WWTR1: variants seen among roughly 807,000 people sequenced by gnomAD.
WWTR1 encodes WW domain-containing transcription regulator protein 1.
A neutral mutation model predicts 40.1 loss-of-function variants in WWTR1; 13 were observed. The ratio of observed to expected loss-of-function variants is 0.32; its 90% CI spans 0.21 to 0.52. WWTR1 has a LOEUF of 0.52. Ranked by LOEUF, WWTR1 falls within the 20% of genes least tolerant of loss-of-function variation. The pLI is 0.97. For synonymous variants in WWTR1, 230 were observed against 210.1 expected, an observed-to-expected ratio of 1.09 and a Z score of -0.82; for missense variants, 436 against 523.1, an observed-to-expected ratio of 0.83 and a Z score of 1.63.
At chr3:149,716,374 T>G (rs1245041502) in intron 5 of WWTR1, among the ~76,000 whole-genome samples, 2 of 151,574 alleles carry the variant, frequency 1.3e-5, no homozygotes, top group Non-Finnish European at 2.9e-5. Context: ...AAAGGGAGAC[T>G]CCATCTCAAA....
intron 2 of WWTR1, among the ~76,000 whole-genome samples, chr3:149,664,058 A>G (rs1343399745): frequency 1.3e-5 from 2 of 152,142 alleles, no homozygotes; most frequent in Non-Finnish European, 2.9e-5. Context: ...TCTCAGCCCT[A>G]CCTCCGGGTT....
chr3:149,595,412 T>TAA (rs138632286), intron 2 of WWTR1, among the ~76,000 whole-genome samples: 8,428 of 152,234 alleles, frequency 0.055, 336 homozygotes, highest in Non-Finnish European at 0.081. Context: ...AAATAGTAAT[T>TAA]TTGTTATGTA....
intron 3 of WWTR1, among the ~76,000 whole-genome samples, chr3:149,559,293 C>CAAAAAAAAAAAAAAAAAAAA (rs57470539): frequency 1.7e-5 from 1 of 58,104 alleles, no homozygotes; most frequent in Non-Finnish European, 3.4e-5. Flanking sequence ...GACTCCATCT[C>CAAAAAAAAAAAAAAAAAAAA]AAAAAAAAAA....
At chr3:149,724,380 T>C (rs2108240620) in intron 3 of WWTR1, among the ~76,000 whole-genome samples, 1 of 152,186 alleles carries the variant, frequency 6.6e-6, no homozygotes, top group South Asian at 2.1e-4. Flanking sequence ...TTCTGCCTTC[T>C]CTCCAGCTCC....
intron 3 of WWTR1, among the ~76,000 whole-genome samples, chr3:149,547,350 C>T (rs1328057184): frequency 6.6e-6 from 1 of 151,558 alleles, no homozygotes. Flanking sequence ...CACAGTAAAA[C>T]CCCGTCTCTA....
intron 3 of WWTR1, among the ~76,000 whole-genome samples, chr3:149,560,653 T>A (rs1214891871): frequency 2.0e-5 from 3 of 152,194 alleles, no homozygotes; most frequent in South Asian, 2.1e-4. Flanking sequence ...AATTTTTTTT[T>A]AACTTTCTTT....
intron 2 of WWTR1, among the ~76,000 whole-genome samples, chr3:149,663,135 C>A (rs528354482): frequency 6.6e-6 from 1 of 152,154 alleles, no homozygotes; most frequent in South Asian, 2.1e-4. Flanking sequence ...CGGGTTCAAG[C>A]GATTCTCCTG....
intron 2 of WWTR1, among the ~76,000 whole-genome samples, chr3:149,648,244 A>G (rs547859888): frequency 5.3e-5 from 8 of 152,188 alleles, no homozygotes; most frequent in South Asian, 2.1e-4. Context: ...ATTTCCAAGC[A>G]TGGAAGACTC....
intron 1 of WWTR1, among the ~76,000 whole-genome samples, chr3:149,672,263 T>C (rs1714113899): frequency 6.6e-6 from 1 of 152,230 alleles, no homozygotes; most frequent in Admixed American, 6.5e-5. Context: ...TCCTAGAGCC[T>C]CATTCTCAAT....
intron 3 of WWTR1, among the ~76,000 whole-genome samples, chr3:149,549,318 TG>T (rs1736510112): frequency 6.6e-6 from 1 of 152,210 alleles, no homozygotes; most frequent in South Asian, 2.1e-4. Flanking sequence ...GATAATGGTG[TG>T]CACCCTTGAT....
chr3:149,519,367 C>A lies in WWTR1; in HGVS notation c.*1438G>T, dbSNP rs1476378423. 1 of 152,186 alleles carries A rather than the reference C, an allele frequency of 6.6e-6. No individual in the cohort carries two copies. The highest frequency in any genetic ancestry group is 1.9e-4 in the East Asian group (1 of 5,200). The allele number at this position is 152,186 out of a possible 1,614,324, so 9.4% of individuals were successfully genotyped here. On this transcript the variant is annotated 3_prime_UTR_variant, in exon 7 of 7. Transcript: ENST00000360632. Reference sequence around the variant, plus strand: ...AACATTTATCTCCACCATACACCCTCAAAGGGCATTTTTTTTTACATGTCA... The same window carrying A: ...AACATTTATCTCCACCATACACCCTAAAAGGGCATTTTTTTTTACATGTCA...
intron 5 of WWTR1, among the ~76,000 whole-genome samples, chr3:149,714,349 A>G (rs1336162235): frequency 6.6e-6 from 1 of 152,166 alleles, no homozygotes; most frequent in Non-Finnish European, 1.5e-5. Context: ...CTGAACTCTC[A>G]GGGGCCCAGG....
intron 2 of WWTR1, among the ~76,000 whole-genome samples, chr3:149,585,475 T>A (rs1576579471): frequency 6.6e-6 from 1 of 152,270 alleles, no homozygotes; most frequent in East Asian, 1.9e-4. Context: ...TAAGTAACAA[T>A]TGACTCAGAG....
intron 2 of WWTR1, 44 bp downstream of exon 2, chr3:149,656,832 G>A: frequency 6.8e-7 from 1 of 1,469,510 alleles, no homozygotes; most frequent in Non-Finnish European, 9.0e-7. Flanking sequence ...CGCGCGCGTT[G>A]GGCACTGTGA....
At chr3:149,600,966 C>G (rs942695923) in intron 2 of WWTR1, among the ~76,000 whole-genome samples, 120 of 152,114 alleles carry the variant, frequency 7.9e-4, no homozygotes, top group Non-Finnish European at 1.6e-3. Flanking sequence ...CCTTGTCCCC[C>G]AGTCAAGCCA....
At chr3:149,706,764 A>G (rs1715344651), upstream of WWTR1, among the ~76,000 whole-genome samples, 1 of 152,230 alleles carries the variant, frequency 6.6e-6, no homozygotes, top group Non-Finnish European at 1.5e-5. Flanking sequence ...TGAACTTTTT[A>G]GAATAGAATA....
chr3:149,704,421 G>C (rs1045970492), upstream of WWTR1, among the ~76,000 whole-genome samples: 2 of 152,168 alleles, frequency 1.3e-5, no homozygotes, highest in African/African-American at 2.4e-5. Context: ...ATGCAGTTTA[G>C]TGACTGCTGC....
At position 149,649,477 on chromosome 3, in the gene WWTR1, C is replaced by T. The variant is rs1343864353; in HGVS notation, c.431+7399G>A. Among the ~76,000 whole-genome samples, 4 of 150,894 alleles carry T rather than the reference C, an allele frequency of 2.7e-5. No homozygotes were observed. In the East Asian group the frequency reaches 8.2e-4, roughly 31 times the overall value. The stretch of plus-strand genomic sequence containing the variant: ...GCTCAGCACTTTATAAATGTTTCTT[C>T]ATTTCACTTCTTCTCCTAATAGCAC... On this transcript the variant is annotated intron_variant, in intron 2 of 6. Transcript: ENST00000360632.
In WWTR1 at chr3:149,565,610, A is replaced by G. The variant is rs529546556; in HGVS notation, c.568+7254T>C. On this transcript the variant is annotated intron_variant, in intron 3 of 6. Coordinates refer to ENST00000360632, the MANE Select transcript of WWTR1 (RefSeq NM_015472.6). ...ATATTCCTTAAAAACCGTAAAAGAA[A>G]GGAACTATAAAGAATGTCCTTTTCA... Among the ~76,000 whole-genome samples, 13 of 152,320 alleles carry G rather than the reference A, an allele frequency of 8.5e-5. No individual in the cohort carries two copies. The South Asian group carries it at 2.7e-3, about 32-fold the overall frequency.
Sources: gnomAD v4.1 joint callset for allele counts (sites outside exome capture counted in the v4.1 genomes callset) on GRCh38, gnomAD v4.1.1 for gene constraint, MANE v1.5 for transcripts, NCBI Gene and HGNC (gene_info 2026-07-23, HGNC 2026-07-21) for gene names.